Variants in TSPAN15 observed in about 807,000 individuals in gnomAD.
TSPAN15 encodes the protein tetraspanin-15.
TSPAN15 carries 20 observed loss-of-function variants against 34.5 expected under a neutral mutation model. That is an observed-to-expected ratio of 0.58 (90% confidence interval 0.41 to 0.84). The LOEUF (loss-of-function observed/expected upper bound fraction) is 0.84, where lower values mean the gene tolerates loss of function less well. TSPAN15 is among the 40% of genes least tolerant of loss of function. The pLI, the probability that TSPAN15 is intolerant of heterozygous loss-of-function variation, is 0.00. For missense variants in TSPAN15, 313 were observed against 386.1 expected (o/e 0.81, Z 1.59); for synonymous variants, 155 against 153.9 (o/e 1.01, Z -0.05).
intron 6 of TSPAN15, among the ~76,000 whole-genome samples, chr10:69,504,964 C>A (rs1038635808): frequency 6.6e-6 from 1 of 152,096 alleles, no homozygotes; most frequent in Non-Finnish European, 1.5e-5. Flanking sequence ...ACCTGACATG[C>A]AGAGCAGTGG....
chr10:69,533,005 TAATCAAAA>T, the TSPAN15 span, among the ~76,000 whole-genome samples: 4 of 152,196 alleles, frequency 2.6e-5, no homozygotes, highest in African/African-American at 9.7e-5. Flanking sequence ...AGAATGGTCA[TAATCAAAA>T]AATCAAAAAA....
At position 69,451,600 on chromosome 10, in the gene TSPAN15, G is replaced by C. The variant is rs1840968790; in HGVS notation, c.6G>C (p.Pro2=). Reference sequence around the variant, plus strand: ...CCGCGCGGGGAGCGCCCAGGATGCCGCGCGGGGACTCGGAGCAGGTGCGCT... The same window carrying C: ...CCGCGCGGGGAGCGCCCAGGATGCCCCGCGGGGACTCGGAGCAGGTGCGCT... The part of the protein sequence containing the change: M[P]RGDSEQVRYC... Residue 2 remains proline (P), a synonymous_variant, in exon 1 of 8, where the codon CCG becomes CCC. Transcript: ENST00000373290. 1.3e-6 allele frequency: 2 copies of C among 1,498,118 alleles called. No individual in the cohort carries two copies. The highest frequency in any genetic ancestry group is 1.8e-6 in the Non-Finnish European group (2 of 1,120,446). The allele number at this position is 1,498,118 out of a possible 1,614,324, so 92.8% of individuals were successfully genotyped here.
At chr10:69,520,520 G>A in the TSPAN15 span, among the ~76,000 whole-genome samples, 2 of 152,220 alleles carry the variant, frequency 1.3e-5, no homozygotes, top group African/African-American at 4.8e-5. Flanking sequence ...AGCAGGCGTG[G>A]TGGCATATGC....
the TSPAN15 span, among the ~76,000 whole-genome samples, chr10:69,539,158 C>G: frequency 1.3e-5 from 2 of 151,938 alleles, no homozygotes; most frequent in Admixed American, 6.6e-5. Flanking sequence ...AATGGAAAAC[C>G]AAATATTGTA....
At chr10:69,507,771 G>T (rs1842367449), downstream of TSPAN15, 1 of 787,744 alleles carries the variant, frequency 1.3e-6, no homozygotes. Context: ...GGGGTGCATG[G>T]GGTGAAGATT....
At chr10:69,514,283 G>A in the TSPAN15 span, among the ~76,000 whole-genome samples, 9 of 152,146 alleles carry the variant, frequency 5.9e-5, no homozygotes, top group Non-Finnish European at 1.2e-4. Context: ...TTGAAATTTT[G>A]TTTAGGATTT....
chr10:69,543,703 G>A, the TSPAN15 span, among the ~76,000 whole-genome samples: 1 of 152,164 alleles, frequency 6.6e-6, no homozygotes, highest in African/African-American at 2.4e-5. Context: ...CCTCCCTGGC[G>A]GTGGTCCGGA....
chr10:69,507,479 C>T lies in TSPAN15; in HGVS notation c.*501C>T. On this transcript the variant is annotated 3_prime_UTR_variant, in exon 8 of 8. Coordinates refer to ENST00000373290, the MANE Select transcript of TSPAN15 (RefSeq NM_012339.5). ...TCTCAGCCTCCCAGGTGCCTTGAGC[C>T]CTCTTGCAAGGGCGGCTGCTTCCTT... The T allele has an allele frequency of 7.7e-7, 1 of 1,303,854 alleles. No homozygotes were observed. Among genetic ancestry groups the T allele is most frequent in the Non-Finnish European group, 1.0e-6 (1 of 989,278 alleles). 80.8% of individuals were successfully genotyped at this position (1,303,854 alleles called of 1,614,324 possible). A position where few individuals can be genotyped will look rare whatever the true frequency, so the allele number is the denominator to read the frequency against.
At chr10:69,515,358 G>A in the TSPAN15 span, among the ~76,000 whole-genome samples, 1 of 152,022 alleles carries the variant, frequency 6.6e-6, no homozygotes, top group African/African-American at 2.4e-5. Context: ...TCAGCAGGTC[G>A]CCAGGGCTGA....
At chr10:69,498,626 C>T (rs1246955987) in intron 5 of TSPAN15, among the ~76,000 whole-genome samples, 1 of 152,154 alleles carries the variant, frequency 6.6e-6, no homozygotes, top group East Asian at 1.9e-4. Context: ...TGGTTAAAAT[C>T]TATTGAGCAC....
At chr10:69,489,268 T>C (rs899324917) in intron 3 of TSPAN15, among the ~76,000 whole-genome samples, 9 of 152,210 alleles carry the variant, frequency 5.9e-5, no homozygotes, top group African/African-American at 1.9e-4. Flanking sequence ...TCAGACCTTA[T>C]GGTTGTCTTC....
chr10:69,512,009 G>A (rs548757771), downstream of TSPAN15, among the ~76,000 whole-genome samples: 68 of 152,118 alleles, frequency 4.5e-4, no homozygotes, highest in South Asian at 0.012. Context: ...TGATGGGTGC[G>A]GCAAACCACC....
At chr10:69,544,249 T>C in the TSPAN15 span, among the ~76,000 whole-genome samples, 1 of 152,238 alleles carries the variant, frequency 6.6e-6, no homozygotes, top group East Asian at 1.9e-4. Context: ...TAAAGTGTAT[T>C]ATTTAAGCTC....
intron 3 of TSPAN15, 130 bp downstream of exon 3, chr10:69,485,345 A>T: frequency 1.2e-6 from 1 of 808,792 alleles, no homozygotes; most frequent in East Asian, 2.5e-5. Context: ...GCTGAAAGAG[A>T]ATGACAGGCA....
At chr10:69,452,208 A>C (rs1049128297) in intron 1 of TSPAN15, among the ~76,000 whole-genome samples, 1 of 152,090 alleles carries the variant, frequency 6.6e-6, no homozygotes, top group African/African-American at 2.4e-5. Context: ...CTGCGTGGCG[A>C]GGAGAAGTCC....
intron 1 of TSPAN15, among the ~76,000 whole-genome samples, chr10:69,482,726 GC>G (rs34764627): frequency 0.38 from 58,158 of 151,644 alleles, 11,784 homozygotes; most frequent in Non-Finnish European, 0.45. Context: ...CCTGTCCAAG[GC>G]CCAGGGTTAG....
At chr10:69,535,654 C>G in the TSPAN15 span, among the ~76,000 whole-genome samples, 13 of 152,334 alleles carry the variant, frequency 8.5e-5, no homozygotes, top group African/African-American at 3.1e-4. Context: ...CTAGGGCCAG[C>G]TTTCTGCCCC....
At chr10:69,520,432 C>T in the TSPAN15 span, among the ~76,000 whole-genome samples, 1 of 152,176 alleles carries the variant, frequency 6.6e-6, no homozygotes, top group Non-Finnish European at 1.5e-5. Flanking sequence ...GAGGCAGAAG[C>T]AGGTCGCTTG....
intron 3 of TSPAN15, among the ~76,000 whole-genome samples, chr10:69,487,875 G>A (rs1179243449): frequency 6.6e-6 from 1 of 152,212 alleles, no homozygotes; most frequent in African/African-American, 2.4e-5. Context: ...GTCCGTGAAG[G>A]GTGCTCCTTC....
Sources: allele counts gnomAD v4.1 joint callset (sites outside exome capture counted in the v4.1 genomes callset), GRCh38; gene constraint gnomAD v4.1.1; transcripts MANE v1.5; gene names NCBI Gene and HGNC (gene_info 2026-07-23, HGNC 2026-07-21).